The following ADAM22 variants were observed in gnomAD, a reference collection of about 807,000 sequenced individuals.
The protein encoded by ADAM22 is ADAM metallopeptidase domain 22.
ADAM22 carries 65 observed loss-of-function variants against 144.6 expected under a neutral mutation model. The observed-to-expected ratio is 0.45, with a 90% CI of 0.37 to 0.55. The LOEUF is 0.55. Among genes scored for constraint, ADAM22 ranks in the 20% least tolerant of loss-of-function variants. The pLI is 0.00. For missense variants in ADAM22, 974 were observed against 1,184.9 expected (o/e 0.82, Z 2.61); for synonymous variants, 391 against 412.6 (o/e 0.95, Z 0.63).
chr7:87,985,278 A>G (rs943321084), intron 3 of ADAM22, among the ~76,000 whole-genome samples: 2 of 151,268 alleles, frequency 1.3e-5, no homozygotes, highest in Non-Finnish European at 2.9e-5. Flanking sequence ...GCACCACTGC[A>G]CTTCATCCTG....
intron 3 of ADAM22, among the ~76,000 whole-genome samples, chr7:88,018,259 A>G (rs1796986886): frequency 6.6e-6 from 1 of 152,178 alleles, no homozygotes; most frequent in East Asian, 1.9e-4. Flanking sequence ...GTCCAGATGT[A>G]GCACCCAGAA....
At chr7:88,050,498 A>AG (rs1183186320) in intron 3 of ADAM22, among the ~76,000 whole-genome samples, 21 of 151,514 alleles carry the variant, frequency 1.4e-4, no homozygotes, top group African/African-American at 3.9e-4. Context: ...AAAAAAAAAA[A>AG]AAAGAAAGAA....
chr7:87,977,053 G>A (rs1433406854), intron 2 of ADAM22, among the ~76,000 whole-genome samples: 5 of 152,086 alleles, frequency 3.3e-5, no homozygotes. Flanking sequence ...TATTAGTTGA[G>A]AAGAGTTAAG....
intron 3 of ADAM22, among the ~76,000 whole-genome samples, chr7:88,052,731 TTGAC>T (rs1444428062): frequency 6.6e-6 from 1 of 152,214 alleles, no homozygotes; most frequent in East Asian, 1.9e-4. Context: ...TTCTTTGTGG[TTGAC>T]TGAGAAAAAA....
At chr7:87,943,487 G>A (rs1266095052) in intron 2 of ADAM22, among the ~76,000 whole-genome samples, 1 of 151,934 alleles carries the variant, frequency 6.6e-6, no homozygotes, top group African/African-American at 2.4e-5. Flanking sequence ...TAGCTAACTT[G>A]CAGTTATTTT....
intron 3 of ADAM22, among the ~76,000 whole-genome samples, chr7:88,028,776 G>T (rs1386429630): frequency 6.6e-6 from 1 of 151,692 alleles, no homozygotes; most frequent in Non-Finnish European, 1.5e-5. Flanking sequence ...TGTCTCTTTT[G>T]TAGTGTTTGT....
At chr7:88,028,606 G>T (rs919317544) in intron 3 of ADAM22, among the ~76,000 whole-genome samples, 1 of 151,874 alleles carries the variant, frequency 6.6e-6, no homozygotes, top group African/African-American at 2.4e-5. Flanking sequence ...TTATTGTATT[G>T]GGGTCTGTTT....
chr7:88,162,133 C>CACACACA (rs1554510200), intron 22 of ADAM22, among the ~76,000 whole-genome samples: 16 of 149,494 alleles, frequency 1.1e-4, no homozygotes, highest in Middle Eastern at 3.4e-3. Flanking sequence ...CACACACACA[C>CACACACA]CATGGAATAC....
chr7:87,970,486 A>T (rs1850182883), intron 2 of ADAM22, among the ~76,000 whole-genome samples: 1 of 152,188 alleles, frequency 6.6e-6, no homozygotes, highest in Non-Finnish European at 1.5e-5. Context: ...TCAATTCGTT[A>T]TTCAGGTTGG....
chr7:88,130,089 C>G (rs1219585318), intron 9 of ADAM22, among the ~76,000 whole-genome samples: 1 of 151,624 alleles, frequency 6.6e-6, no homozygotes, highest in Non-Finnish European at 1.5e-5. Context: ...TTTTGAATAA[C>G]AATCCCAATA....
intron 2 of ADAM22, among the ~76,000 whole-genome samples, chr7:87,977,984 T>C (rs1852299376): frequency 6.6e-6 from 1 of 152,230 alleles, no homozygotes; most frequent in Admixed American, 6.5e-5. Context: ...GAGCATATTT[T>C]ACTTATTTTC....
intron 31 of ADAM22, among the ~76,000 whole-genome samples, chr7:88,195,132 A>T (rs961161608): frequency 2.6e-5 from 4 of 152,236 alleles, no homozygotes; most frequent in African/African-American, 9.6e-5. Context: ...CCAAATGTCC[A>T]GTAAAAATGG....
intron 3 of ADAM22, among the ~76,000 whole-genome samples, chr7:88,051,360 A>G (rs1338649795): frequency 6.6e-6 from 1 of 152,226 alleles, no homozygotes; most frequent in African/African-American, 2.4e-5. Flanking sequence ...ACCATGGAAT[A>G]CTATGCAGCC....
intron 3 of ADAM22, among the ~76,000 whole-genome samples, chr7:87,990,579 G>A (rs752564306): frequency 6.6e-6 from 1 of 152,044 alleles, no homozygotes; most frequent in Non-Finnish European, 1.5e-5. Flanking sequence ...CCTGACTTCT[G>A]TGATAATCAG....
At chr7:87,951,153 A>G (rs1380019265) in intron 2 of ADAM22, among the ~76,000 whole-genome samples, 1 of 150,714 alleles carries the variant, frequency 6.6e-6, no homozygotes, top group Non-Finnish European at 1.5e-5. Context: ...ATTAGATCCC[A>G]TTTGTCAATT....
At chr7:88,009,111 A>T (rs997259561) in intron 3 of ADAM22, among the ~76,000 whole-genome samples, 2 of 152,250 alleles carry the variant, frequency 1.3e-5, no homozygotes, top group East Asian at 3.9e-4. Context: ...CCTCTGTCAT[A>T]GTGCAGTCTA....
intron 2 of ADAM22, among the ~76,000 whole-genome samples, chr7:87,967,303 G>T (rs1849358800): frequency 6.6e-6 from 1 of 152,158 alleles, no homozygotes; most frequent in African/African-American, 2.4e-5. Flanking sequence ...TGGAAAGCAA[G>T]TATAAGTAGA....
At chr7:88,029,718 A>G (rs1426532403) in intron 3 of ADAM22, among the ~76,000 whole-genome samples, 1 of 151,894 alleles carries the variant, frequency 6.6e-6, no homozygotes, top group Non-Finnish European at 1.5e-5. Context: ...TCTCCTTCAT[A>G]TATGAATGAT....
chr7:88,063,300 G>GA lies in ADAM22; in HGVS notation c.324-12320dup, dbSNP rs896521184. ...TTAAAAATGCAGAGAAAAACACCTA[G>GA]AAAAAACAGTAGAAACAGTAACAAA... On this transcript the variant is annotated intron_variant, in intron 3 of 31. Coordinates refer to ENST00000413139, the MANE Select transcript of ADAM22 (RefSeq NM_001324418.2). Among the ~76,000 whole-genome samples, 60 of 152,154 alleles carry GA rather than the reference G, an allele frequency of 3.9e-4. 1 individual carries two copies. The highest frequency in any genetic ancestry group is 1.3e-3 in the African/African-American group (56 of 41,520).
Sources: gnomAD v4.1 joint callset for allele counts (sites outside exome capture counted in the v4.1 genomes callset) on GRCh38, gnomAD v4.1.1 for gene constraint, MANE v1.5 for transcripts, NCBI Gene and HGNC (gene_info 2026-07-23, HGNC 2026-07-21) for gene names.